The following GABRR2 variants were observed in gnomAD, a reference collection of about 807,000 sequenced individuals.
GABRR2 encodes gamma-aminobutyric acid receptor subunit rho-2.
Under a neutral mutation model 47.0 loss-of-function variants are expected in GABRR2, and 36 were observed. The ratio of observed to expected loss-of-function variants is 0.77; its 90% confidence interval spans 0.59 to 1.01. The LOEUF is 1.01. GABRR2 is among the 50% of genes least tolerant of loss of function. The pLI, the probability that GABRR2 is intolerant of heterozygous loss-of-function variation, is 0.00. For missense variants in GABRR2, 587 were observed against 594.6 expected (o/e 0.99, Z 0.13); for synonymous variants, 204 against 227.5 (o/e 0.90, Z 0.93).
Position 89,315,076 on chromosome 6 carries a change from C to A in GABRR2, c.90G>T (p.Gly30=). 6.2e-7 allele frequency: 1 copy of A among 1,613,726 alleles called. No homozygotes were observed. Among genetic ancestry groups the A allele is most frequent in the Non-Finnish European group, 8.5e-7 (1 of 1,179,740 alleles). ...ACCTTGGCTTGGGCATTTCCACCTG[C>A]CCTGTCCATCGCTTCCTCTTGGGTT... ...SRKPKRKRWT[G]QVEMPKPSHL... Residue 30 remains glycine (G), a synonymous_variant, in exon 1 of 9, where the codon GGG becomes GGT. Transcript: ENST00000402938.
chr6:89,278,796 G>A (rs1774210112), intron 2 of GABRR2, among the ~76,000 whole-genome samples: 1 of 152,252 alleles, frequency 6.6e-6, no homozygotes, highest in African/African-American at 2.4e-5. Context: ...GTGTGGGGCG[G>A]GGAGGTTGGC....
intron 2 of GABRR2, among the ~76,000 whole-genome samples, chr6:89,284,574 G>C (rs775261343): frequency 6.6e-6 from 1 of 152,162 alleles, no homozygotes; most frequent in African/African-American, 2.4e-5. Flanking sequence ...AACTTAGCCC[G>C]CTGTTGGCTG....
chr6:89,314,020 G>GTTTTT, intron 1 of GABRR2, among the ~76,000 whole-genome samples: 1 of 141,304 alleles, frequency 7.1e-6, no homozygotes, highest in Admixed American at 7.0e-5. Context: ...TATATTCAGG[G>GTTTTT]TTTTTTTTTT....
At chr6:89,310,417 C>T (rs998887044) in intron 1 of GABRR2, among the ~76,000 whole-genome samples, 5 of 152,064 alleles carry the variant, frequency 3.3e-5, no homozygotes, top group Admixed American at 6.6e-5. Flanking sequence ...CTCTGACAGG[C>T]GCTTCTCCAC....
chr6:89,274,492 A>G (rs765227042), intron 2 of GABRR2, among the ~76,000 whole-genome samples: 1 of 152,146 alleles, frequency 6.6e-6, no homozygotes, highest in East Asian at 1.9e-4. Flanking sequence ...AAGTCCTAAC[A>G]AGTCCTATTT....
At position 89,303,647 on chromosome 6, in the gene GABRR2, G is replaced by GAA. The variant is rs34541330; in HGVS notation, c.114-3784_114-3783dup. Reference sequence around the variant, plus strand: ...AAATAGCCAAAGCAATCTTAAGGAGGAAAAAAAAAAAAAAAAAAAAAACCC... The same window carrying GAA: ...AAATAGCCAAAGCAATCTTAAGGAGGAAAAAAAAAAAAAAAAAAAAAAAACCC... On this transcript the variant is annotated intron_variant, in intron 1 of 8. Transcript: ENST00000402938. 5.4e-4 allele frequency among the ~76,000 whole-genome samples: 55 copies of GAA among 102,690 alleles called. 1 individual carries two copies. In the South Asian group the frequency reaches 6.0e-3, roughly 11 times the overall value. The allele number at this position is 102,690 out of a possible 152,430, so 67.4% of individuals were successfully genotyped here.
chr6:89,292,051 G>T (rs1774450527), intron 2 of GABRR2, among the ~76,000 whole-genome samples: 1 of 152,062 alleles, frequency 6.6e-6, no homozygotes, highest in Non-Finnish European at 1.5e-5. Flanking sequence ...GCTGCCTACT[G>T]GGTCGCTAGG....
rs73506003 is a variant in GABRR2, at chr6:89,314,708, C to A, written c.113+345G>T. Among the ~76,000 whole-genome samples the A allele has an allele frequency of 5.8e-3, 884 of 152,284 alleles. 9 individuals are homozygous for A. Among genetic ancestry groups the A allele is most frequent in the African/African-American group, 0.02 (830 of 41,546 alleles). ...ACTTGAGTGTAATTATTTAGCAGGT[C>A]ATCGGTTGTAACCCTGAGAAACAAA... On this transcript the variant is annotated intron_variant, in intron 1 of 8. Coordinates refer to ENST00000402938, the MANE Select transcript of GABRR2 (RefSeq NM_002043.5).
intron 3 of GABRR2, among the ~76,000 whole-genome samples, chr6:89,269,623 A>G (rs1773999859): frequency 3.3e-5 from 5 of 152,218 alleles, no homozygotes; most frequent in Admixed American, 3.3e-4. Flanking sequence ...GGCCACTTCC[A>G]GAAACCTGGA....
chr6:89,284,028 G>A (rs1488822293), intron 2 of GABRR2, among the ~76,000 whole-genome samples: 1 of 152,144 alleles, frequency 6.6e-6, no homozygotes, highest in African/African-American at 2.4e-5. Context: ...CTCTCCGATG[G>A]TCCCACCACT....
At chr6:89,314,345 C>T (rs1436603466) in intron 1 of GABRR2, among the ~76,000 whole-genome samples, 3 of 152,204 alleles carry the variant, frequency 2.0e-5, no homozygotes, top group Non-Finnish European at 4.4e-5. Context: ...CTTATGTCTA[C>T]TTCAGGCCTG....
At chr6:89,263,164 C>T (rs1302765423) in intron 8 of GABRR2, among the ~76,000 whole-genome samples, 2 of 152,196 alleles carry the variant, frequency 1.3e-5, no homozygotes, top group African/African-American at 2.4e-5. Context: ...TCCTCCTCAG[C>T]CTACTCAGAG....
At chr6:89,283,550 C>T (rs189693735) in intron 2 of GABRR2, among the ~76,000 whole-genome samples, 432 of 151,992 alleles carry the variant, frequency 2.8e-3, no homozygotes, top group African/African-American at 9.5e-3. Flanking sequence ...ACAATAACAA[C>T]GAGAGTATAT....
At chr6:89,303,714 C>A in intron 1 of GABRR2, among the ~76,000 whole-genome samples, 1 of 142,712 alleles carries the variant, frequency 7.0e-6, no homozygotes, top group African/African-American at 2.6e-5. Flanking sequence ...AACTATACTA[C>A]AAGGCTATGG....
chr6:89,284,190 G>T (rs1234889571), intron 2 of GABRR2, among the ~76,000 whole-genome samples: 1 of 152,170 alleles, frequency 6.6e-6, no homozygotes, highest in Non-Finnish European at 1.5e-5. Flanking sequence ...TTGGGAGGGG[G>T]TGTGAGGGAG....
chr6:89,283,825 A>G (rs1339904217), intron 2 of GABRR2, among the ~76,000 whole-genome samples: 1 of 152,180 alleles, frequency 6.6e-6, no homozygotes, highest in African/African-American at 2.4e-5. Context: ...CGATCACACT[A>G]TATTAGAGTC....
At chr6:89,271,751 G>A in intron 2 of GABRR2, 29 bp from the exon 3 acceptor site, 3 of 1,597,620 alleles carry the variant, frequency 1.9e-6, no homozygotes, top group Admixed American at 1.7e-5. Flanking sequence ...AGCTGGTTAA[G>A]GCACCTTCCT....
At chr6:89,265,126 G>A (rs1366905680) in intron 7 of GABRR2, among the ~76,000 whole-genome samples, 1 of 152,078 alleles carries the variant, frequency 6.6e-6, no homozygotes, top group African/African-American at 2.4e-5. Context: ...AATTTACAAT[G>A]ACATGTTGTA....
At chr6:89,265,508 C>A in intron 7 of GABRR2, 105 bp downstream of exon 7, 2 of 1,269,828 alleles carry the variant, frequency 1.6e-6, no homozygotes, top group South Asian at 1.7e-5. Context: ...CTGACTCTAA[C>A]AGCTCATCAG....
Sources: allele counts gnomAD v4.1 joint callset (sites outside exome capture counted in the v4.1 genomes callset), GRCh38; gene constraint gnomAD v4.1.1; transcripts MANE v1.5; gene names NCBI Gene and HGNC (gene_info 2026-07-23, HGNC 2026-07-21).